The following PIGN variants were observed in gnomAD, a reference collection of about 807,000 sequenced individuals.
PIGN encodes the protein GPI ethanolamine phosphate transferase 1.
A neutral mutation model predicts 125.4 loss-of-function variants in PIGN; 117 were observed. The observed-to-expected ratio is 0.93, with a 90% CI of 0.80 to 1.09. The LOEUF is 1.09. Among genes scored for constraint, PIGN ranks in the 50% least tolerant of loss-of-function variants. PIGN has a pLI of 0.00. For synonymous variants in PIGN, 392 were observed against 377.8 expected, an observed-to-expected ratio of 1.04 and a Z score of -0.44; for missense variants, 1,075 against 1,094.9, an observed-to-expected ratio of 0.98 and a Z score of 0.26.
At position 62,147,030 on chromosome 18, in the gene PIGN, T is replaced by A; in HGVS notation, c.746A>T (p.Tyr249Phe). The change falls in exon 9 of 31, where the codon TAT becomes TTT. Residue 249 changes from tyrosine to phenylalanine, a missense_variant. Transcript: ENST00000640252. ...KEIVSMFNHF[Y>F]GNDGKTTFIF... ...AAATGTTGTTTTCCCATCATTTCCATAGAAGTGGTTAAACATAGACACGAT... is the reference window on the plus strand; with the variant it reads ...AAATGTTGTTTTCCCATCATTTCCAAAGAAGTGGTTAAACATAGACACGAT... The A allele has an allele frequency of 6.2e-7, 1 of 1,611,812 alleles. No individual in the cohort carries two copies. Among genetic ancestry groups the A allele is most frequent in the Admixed American group, 1.7e-5 (1 of 59,940 alleles).
At chr18:62,186,645 C>G (rs1235964646) in intron 1 of PIGN, among the ~76,000 whole-genome samples, 199 bp downstream of exon 1, 1 of 152,188 alleles carries the variant, frequency 6.6e-6, no homozygotes, top group Non-Finnish European at 1.5e-5. Flanking sequence ...AGTGTGCAAG[C>G]ATGTGGCAGA....
intron 17 of PIGN, among the ~76,000 whole-genome samples, chr18:62,107,311 T>C (rs2034687410): frequency 6.6e-6 from 1 of 152,114 alleles, no homozygotes; most frequent in Non-Finnish European, 1.5e-5. Flanking sequence ...TTGAAAACGA[T>C]CAGCCAGGTG....
Position 62,070,571 on chromosome 18 carries a change from T to C in PIGN, c.2672+2102A>G, listed in dbSNP as rs1012394336. The C allele has an allele frequency of 2.3e-5, 9 of 397,192 alleles. No homozygotes were observed. The East Asian group carries it at 2.5e-4, about 11-fold the overall frequency. The allele number at this position is 397,192 out of a possible 1,614,324, so 24.6% of individuals were successfully genotyped here. A position where few individuals can be genotyped will look rare whatever the true frequency, so the allele number is the denominator to read the frequency against. Reference sequence around the variant, plus strand: ...TGGTGTCTCCTGCAAACCCATACAATTCCTGGCAACACAAAGTGATGAATG... The same window carrying C: ...TGGTGTCTCCTGCAAACCCATACAACTCCTGGCAACACAAAGTGATGAATG... On this transcript the variant is annotated intron_variant, in intron 30 of 30. Transcript: ENST00000640252.
At chr18:62,155,484 G>T (rs146962324) in intron 6 of PIGN, among the ~76,000 whole-genome samples, 2 of 152,064 alleles carry the variant, frequency 1.3e-5, no homozygotes, top group Non-Finnish European at 1.5e-5. Flanking sequence ...CAGAAGAATC[G>T]CTTGAACCAA....
chr18:62,173,880 T>G (rs2062993), intron 1 of PIGN, among the ~76,000 whole-genome samples: 88,454 of 151,998 alleles, frequency 0.58, 26,552 homozygotes, highest in East Asian at 0.78. Context: ...AACAAATAGG[T>G]GGCAAAAGCT....
intron 7 of PIGN, 44 bp downstream of exon 7, chr18:62,154,501 G>GT (rs1249465147): frequency 1.1e-6 from 1 of 912,738 alleles, no homozygotes; most frequent in African/African-American, 1.7e-5. Context: ...AATACTTCAG[G>GT]TAAAAATATG....
At chr18:62,017,900 A>G (rs1476122679) in intron 23 of PIGN, among the ~76,000 whole-genome samples, 2 of 151,868 alleles carry the variant, frequency 1.3e-5, no homozygotes, top group East Asian at 3.8e-4. Context: ...TCAACATTTT[A>G]TCGGGCATAT....
At chr18:62,140,968 A>C (rs533783604) in intron 11 of PIGN, among the ~76,000 whole-genome samples, 2 of 152,188 alleles carry the variant, frequency 1.3e-5, no homozygotes, top group Non-Finnish European at 2.9e-5. Context: ...CATTTTGGAT[A>C]TCTCCTCTTT....
Position 62,045,321 on chromosome 18 carries a change from T to C in PIGN, c.*535A>G, listed in dbSNP as rs28564677. 48,897 of 152,098 alleles carry C rather than the reference T, an allele frequency of 0.32. 9,177 individuals are homozygous for C. The highest frequency in any genetic ancestry group is 0.7 in the East Asian group (3,611 of 5,162). The allele number at this position is 152,098 out of a possible 1,614,324, so 9.4% of individuals were successfully genotyped here. A position where few individuals can be genotyped will look rare whatever the true frequency, so the allele number is the denominator to read the frequency against. On this transcript the variant is annotated 3_prime_UTR_variant, in exon 31 of 31. Transcript: ENST00000640252. Reference sequence around the variant, plus strand: ...AAAAGGATAAGATAGCATTATTGCATACTAAAGAAATATGACAAATACCTG... The same window carrying C: ...AAAAGGATAAGATAGCATTATTGCACACTAAAGAAATATGACAAATACCTG...
At chr18:62,047,568 C>T (rs1396003317) in intron 30 of PIGN, among the ~76,000 whole-genome samples, 3 of 152,080 alleles carry the variant, frequency 2.0e-5, no homozygotes, top group Admixed American at 6.5e-5. Flanking sequence ...TGCAGGGTGC[C>T]GTAACGCTGG....
At position 62,138,970 on chromosome 18, in the gene PIGN, ATT is replaced by A. The variant is rs199971157; in HGVS notation, c.1116+11_1116+12del. The A allele has an allele frequency of 1.5e-5, 20 of 1,323,858 alleles. No individual in the cohort carries two copies. Among genetic ancestry groups the A allele is most frequent in the Admixed American group, 4.2e-5 (2 of 47,996 alleles). 82.0% of individuals were successfully genotyped at this position (1,323,858 alleles called of 1,614,324 possible). ...TCCATTTTTGTGCGTGCCTTTTTGAATTTTTTTTTTACCTTGAACTGTTCAAG... is the reference window on the plus strand; with the variant it reads ...TCCATTTTTGTGCGTGCCTTTTTGAATTTTTTTTACCTTGAACTGTTCAAG... On this transcript the variant is annotated intron_variant, in intron 13 of 30. Coordinates refer to ENST00000640252, the MANE Select transcript of PIGN (RefSeq NM_176787.5).
intron 30 of PIGN, chr18:62,056,773 G>A (rs1389055475): frequency 6.6e-6 from 1 of 152,254 alleles, no homozygotes; most frequent in Non-Finnish European, 1.5e-5. Context: ...TGAGCGGCGG[G>A]GAAGTGAGCG....
intron 10 of PIGN, among the ~76,000 whole-genome samples, chr18:62,144,421 T>C (rs1293244696): frequency 1.3e-5 from 2 of 152,200 alleles, no homozygotes; most frequent in Non-Finnish European, 2.9e-5. Flanking sequence ...GTGCCTCAAA[T>C]GATCTACCTC....
At chr18:62,100,338 G>A (rs680655) in intron 22 of PIGN, among the ~76,000 whole-genome samples, 139,178 of 152,286 alleles carry the variant, frequency 0.91, 63,719 homozygotes, top group African/African-American at 0.97. Flanking sequence ...AATGATGTGG[G>A]GAAGGGGGAA....
intron 7 of PIGN, chr18:62,153,989 A>C (rs2147439380): frequency 6.6e-6 from 1 of 152,402 alleles, no homozygotes; most frequent in African/African-American, 2.4e-5. Context: ...TGAGAATATA[A>C]ATTATATCGT....
intron 1 of PIGN, among the ~76,000 whole-genome samples, chr18:62,169,307 T>G (rs912128141): frequency 6.6e-6 from 1 of 152,232 alleles, no homozygotes; most frequent in African/African-American, 2.4e-5. Context: ...TTGAGCATTA[T>G]TCCATTGCAC....
chr18:62,154,886 T>G (rs1036611354), intron 6 of PIGN, among the ~76,000 whole-genome samples: 10 of 152,306 alleles, frequency 6.6e-5, no homozygotes, highest in African/African-American at 2.4e-4. Flanking sequence ...AAAAATAACA[T>G]ATTTTAATTT....
chr18:62,138,010 A>C, intron 14 of PIGN: 2 of 503,012 alleles, frequency 4.0e-6, no homozygotes, highest in Non-Finnish European at 6.8e-6. Flanking sequence ...CCTGCTTAAT[A>C]TTTCTCATGT....
intron 6 of PIGN, 28 bp from the exon 7 acceptor site, chr18:62,154,679 CT>C: frequency 2.0e-6 from 2 of 1,015,914 alleles, no homozygotes; most frequent in Non-Finnish European, 3.1e-6. Flanking sequence ...AAAAAATAAT[CT>C]TTTTACAAAA....
Sources: gnomAD v4.1 joint callset for allele counts (sites outside exome capture counted in the v4.1 genomes callset) on GRCh38, gnomAD v4.1.1 for gene constraint, MANE v1.5 for transcripts, NCBI Gene and HGNC (gene_info 2026-07-23, HGNC 2026-07-21) for gene names.